Variants in CADM2 observed in about 807,000 individuals in gnomAD.
CADM2 encodes the protein cell adhesion molecule 2.
A neutral mutation model predicts 49.8 loss-of-function variants in CADM2; 12 were observed. That is an observed-to-expected ratio of 0.24 (90% CI 0.15 to 0.39). CADM2 has a LOEUF of 0.39. Ranked by LOEUF, CADM2 falls within the 10% of genes least tolerant of loss-of-function variation. The probability of loss-of-function intolerance (pLI) is 1.00; values close to 1 mark genes in which losing one functional copy is unlikely to be tolerated. For synonymous variants in CADM2, 214 were observed against 175.4 expected, an observed-to-expected ratio of 1.22 and a Z score of -1.74; for missense variants, 378 against 492.3, an observed-to-expected ratio of 0.77 and a Z score of 2.20.
chr3:85,215,365 A>AAG (rs2041896899), intron 1 of CADM2, among the ~76,000 whole-genome samples: 1 of 150,912 alleles, frequency 6.6e-6, no homozygotes, highest in Non-Finnish European at 1.5e-5. Flanking sequence ...TTTTAAAAAA[A>AAG]AAAAAAAAAA....
At chr3:85,674,119 G>A (rs1487859810) in intron 1 of CADM2, among the ~76,000 whole-genome samples, 1 of 152,032 alleles carries the variant, frequency 6.6e-6, no homozygotes, top group Non-Finnish European at 1.5e-5. Context: ...GCACTTGTGA[G>A]GATTACATTT....
rs558125781 is a variant in CADM2, at chr3:85,087,924, T to C, written c.61+128256T>C. On this transcript the variant is annotated intron_variant, in intron 1 of 9. Transcript: ENST00000383699. The stretch of plus-strand genomic sequence containing the variant: ...TTCTGCTACAGCACTGATTCTATTA[T>C]TTTATTTACTGTTAATGCCTGTTTG... 7.2e-5 allele frequency among the ~76,000 whole-genome samples: 11 copies of C among 152,322 alleles called. No homozygotes were observed. The South Asian group carries it at 1.2e-3, about 17-fold the overall frequency.
At chr3:85,779,898 G>A (rs548942111) in intron 2 of CADM2, among the ~76,000 whole-genome samples, 9 of 152,228 alleles carry the variant, frequency 5.9e-5, no homozygotes, top group East Asian at 5.8e-4. Flanking sequence ...TACGAAAGGA[G>A]CTAGGTAGGT....
chr3:85,730,555 C>T (rs1444282204), intron 2 of CADM2, among the ~76,000 whole-genome samples: 2 of 152,152 alleles, frequency 1.3e-5, no homozygotes, highest in Non-Finnish European at 2.9e-5. Flanking sequence ...CAACATGCTA[C>T]ATTTGATATA....
At chr3:85,592,706 T>TTTA (rs71653755) in intron 1 of CADM2, among the ~76,000 whole-genome samples, 29,885 of 151,268 alleles carry the variant, frequency 0.2, 3,684 homozygotes, top group East Asian at 0.29. Context: ...GTTCTGGATT[T>TTTA]TTATTATTAT....
chr3:85,762,749 T>C (rs1273179237), intron 2 of CADM2, among the ~76,000 whole-genome samples: 2 of 151,558 alleles, frequency 1.3e-5, no homozygotes, highest in Non-Finnish European at 2.9e-5. Context: ...AAATATGTAC[T>C]ATATAGCATC....
At chr3:85,566,726 T>C (rs1350776252) in intron 1 of CADM2, among the ~76,000 whole-genome samples, 1 of 152,172 alleles carries the variant, frequency 6.6e-6, no homozygotes, top group African/African-American at 2.4e-5. Flanking sequence ...GATGTAGAGA[T>C]TACAAACTTG....
chr3:85,161,493 G>A (rs2040322890), intron 1 of CADM2, among the ~76,000 whole-genome samples: 1 of 152,076 alleles, frequency 6.6e-6, no homozygotes, highest in South Asian at 2.1e-4. Context: ...GGAATCCACA[G>A]TTTCAGGGCT....
Position 86,073,942 on chromosome 3 carries a change from G to C in CADM2, c.*7159G>C, listed in dbSNP as rs1434142746. On this transcript the variant is annotated 3_prime_UTR_variant, in exon 10 of 10. Transcript: ENST00000383699. ...TATCTTATTTGTACAACATTTAATC[G>C]TTATTCCTTGGAATATATGAACCTT... is the stretch of plus-strand genomic sequence containing the variant. The C allele has an allele frequency of 6.6e-6, 1 of 151,616 alleles. No homozygotes were observed. The highest frequency in any genetic ancestry group is 2.4e-5 in the African/African-American group (1 of 41,324). The allele number at this position is 151,616 out of a possible 1,614,324, so 9.4% of individuals were successfully genotyped here. A position where few individuals can be genotyped will look rare whatever the true frequency, so the allele number is the denominator to read the frequency against.
chr3:85,729,023 C>G (rs905830613), intron 2 of CADM2, among the ~76,000 whole-genome samples: 34 of 152,184 alleles, frequency 2.2e-4, no homozygotes, highest in Admixed American at 4.6e-4. Context: ...TAGCAACTAG[C>G]TCTTTGCTTA....
At chr3:85,434,492 C>T (rs1422412855) in intron 1 of CADM2, among the ~76,000 whole-genome samples, 3 of 152,032 alleles carry the variant, frequency 2.0e-5, no homozygotes, top group Non-Finnish European at 4.4e-5. Context: ...CTGTTATACA[C>T]ATTGGGAATA....
chr3:85,393,381 G>A (rs1267381093), intron 1 of CADM2, among the ~76,000 whole-genome samples: 1 of 152,152 alleles, frequency 6.6e-6, no homozygotes, highest in Non-Finnish European at 1.5e-5. Context: ...AATTCCCAAA[G>A]CACATGTCAA....
chr3:85,497,999 C>T (rs2039972621), intron 1 of CADM2, among the ~76,000 whole-genome samples: 1 of 152,020 alleles, frequency 6.6e-6, no homozygotes, highest in African/African-American at 2.4e-5. Flanking sequence ...TCTGTAACCT[C>T]AATATTAACA....
chr3:85,464,308 G>T (rs9843953), intron 1 of CADM2, among the ~76,000 whole-genome samples: 117,611 of 152,008 alleles, frequency 0.77, 47,682 homozygotes, highest in East Asian at 0.95. Context: ...CTAAAACTTT[G>T]TTTTCCCTGC....
At chr3:85,937,154 AT>A (rs1721267267) in intron 7 of CADM2, among the ~76,000 whole-genome samples, 1 of 151,846 alleles carries the variant, frequency 6.6e-6, no homozygotes, top group Admixed American at 6.6e-5. Flanking sequence ...GTTTTATATA[AT>A]TAAATATTTA....
At chr3:85,362,009 AATGT>A (rs2032394731) in intron 1 of CADM2, among the ~76,000 whole-genome samples, 1 of 152,202 alleles carries the variant, frequency 6.6e-6, no homozygotes, top group Non-Finnish European at 1.5e-5. Context: ...TTGGTAGAAC[AATGT>A]ATTACCAACA....
At chr3:85,782,657 AAAAAAAAAAAG>A (rs969502286) in intron 2 of CADM2, among the ~76,000 whole-genome samples, 9 of 149,642 alleles carry the variant, frequency 6.0e-5, no homozygotes, top group South Asian at 4.2e-4. Context: ...CTCAGTCTCA[AAAAAAAAAAAG>A]AAAAAAAAAA....
chr3:85,773,860 A>G (rs1447010490), intron 2 of CADM2, among the ~76,000 whole-genome samples: 3 of 152,028 alleles, frequency 2.0e-5, no homozygotes, highest in Non-Finnish European at 4.4e-5. Context: ...GTGAATGAAT[A>G]CAGAAATACT....
chr3:85,600,892 G>C (rs568876098), intron 1 of CADM2, among the ~76,000 whole-genome samples: 2 of 150,664 alleles, frequency 1.3e-5, no homozygotes, highest in Admixed American at 6.6e-5. Flanking sequence ...GTTAGATGGG[G>C]GAAGAATAGC....
Sources: allele counts gnomAD v4.1 joint callset (sites outside exome capture counted in the v4.1 genomes callset), GRCh38; gene constraint gnomAD v4.1.1; transcripts MANE v1.5; gene names NCBI Gene and HGNC (gene_info 2026-07-23, HGNC 2026-07-21).